TCF12: variants seen among roughly 807,000 people sequenced by gnomAD.
The protein encoded by TCF12 is transcription factor 12.
TCF12 carries 45 observed loss-of-function variants against 86.0 expected under a neutral mutation model. The observed-to-expected ratio is 0.52, with a 90% CI of 0.41 to 0.67. TCF12 has a LOEUF of 0.67. TCF12 is among the 30% of genes least tolerant of loss of function. The pLI is 0.00. For synonymous variants in TCF12, 330 were observed against 299.6 expected (o/e 1.10, Z -1.05); for missense variants, 881 against 859.9 (o/e 1.02, Z -0.31).
At chr15:57,141,804 C>G (rs2052986810) in intron 5 of TCF12, among the ~76,000 whole-genome samples, 1 of 152,178 alleles carries the variant, frequency 6.6e-6, no homozygotes, top group South Asian at 2.1e-4. Context: ...GGCACATCTC[C>G]CTTAATTTGC....
chr15:56,960,123 AT>A (rs1232283992), intron 3 of TCF12, among the ~76,000 whole-genome samples: 1 of 152,202 alleles, frequency 6.6e-6, no homozygotes, highest in East Asian at 1.9e-4. Context: ...TAAGTAATTT[AT>A]TTGTATTCTG....
chr15:57,077,379 A>ATTTTT (rs1212052276), intron 4 of TCF12, among the ~76,000 whole-genome samples: 1 of 48,658 alleles, frequency 2.1e-5, no homozygotes, highest in African/African-American at 8.6e-5. Flanking sequence ...GTGTGTATAT[A>ATTTTT]TATTTTTTTT....
At chr15:57,201,385 G>A (rs1209019755) in intron 8 of TCF12, among the ~76,000 whole-genome samples, 1 of 152,170 alleles carries the variant, frequency 6.6e-6, no homozygotes, top group Non-Finnish European at 1.5e-5. Flanking sequence ...TGACATTTAA[G>A]TTGTGTCTGG....
intron 3 of TCF12, among the ~76,000 whole-genome samples, chr15:56,930,910 T>A (rs1051906545): frequency 9.9e-5 from 15 of 152,194 alleles, no homozygotes; most frequent in African/African-American, 3.4e-4. Context: ...TCCTGTGTGG[T>A]TGCCAGTAGC....
At chr15:57,196,781 A>C (rs2151737409) in intron 7 of TCF12, among the ~76,000 whole-genome samples, 1 of 152,342 alleles carries the variant, frequency 6.6e-6, no homozygotes, top group South Asian at 2.1e-4. Context: ...TAAACATTCA[A>C]GGACAAATTG....
intron 18 of TCF12, among the ~76,000 whole-genome samples, chr15:57,269,011 G>A (rs937600992): frequency 6.6e-6 from 1 of 152,132 alleles, no homozygotes; most frequent in East Asian, 1.9e-4. Flanking sequence ...TTGATTTGGG[G>A]TGGAGAGTTC....
chr15:56,971,204 A>G (rs1455962828), intron 3 of TCF12, among the ~76,000 whole-genome samples: 4 of 152,188 alleles, frequency 2.6e-5, no homozygotes, highest in Admixed American at 2.6e-4. Flanking sequence ...TGGGTAGATC[A>G]CTTGAAGTCA....
chr15:57,200,611 C>T (rs1252259250), intron 8 of TCF12, among the ~76,000 whole-genome samples: 3 of 152,040 alleles, frequency 2.0e-5, no homozygotes, highest in Admixed American at 6.5e-5. Flanking sequence ...TCTAAAGAAA[C>T]AGTGAAAGGA....
intron 13 of TCF12, chr15:57,247,409 C>A: frequency 1.5e-6 from 1 of 683,252 alleles, no homozygotes; most frequent in African/African-American, 1.7e-5. Flanking sequence ...CCTCTGTGAC[C>A]TCTGTCATCC....
intron 3 of TCF12, among the ~76,000 whole-genome samples, chr15:57,017,927 C>A (rs2065248226): frequency 6.6e-6 from 1 of 152,034 alleles, no homozygotes; most frequent in Admixed American, 6.5e-5. Flanking sequence ...AGGCAAGGGA[C>A]ACCAGATTAT....
intron 3 of TCF12, among the ~76,000 whole-genome samples, chr15:57,010,219 A>C (rs2064740189): frequency 6.6e-6 from 1 of 152,022 alleles, no homozygotes; most frequent in African/African-American, 2.4e-5. Flanking sequence ...AAAATCTAAA[A>C]TTTGGACTCA....
At chr15:57,237,920 A>G (rs17239452) in intron 12 of TCF12, among the ~76,000 whole-genome samples, 14,517 of 152,218 alleles carry the variant, frequency 0.095, 971 homozygotes, top group Middle Eastern at 0.19. Flanking sequence ...CAAATGTTGT[A>G]TTGCTCCTCC....
intron 3 of TCF12, among the ~76,000 whole-genome samples, chr15:57,060,626 G>A (rs1449039888): frequency 3.3e-5 from 5 of 152,144 alleles, no homozygotes; most frequent in African/African-American, 1.2e-4. Flanking sequence ...GAATTCGCAT[G>A]CATATACTAG....
intron 14 of TCF12, among the ~76,000 whole-genome samples, chr15:57,251,803 T>G (rs940839710): frequency 4.0e-5 from 6 of 151,180 alleles, no homozygotes; most frequent in Admixed American, 2.6e-4. Context: ...TATTTTACAC[T>G]TTCTCATAAT....
intron 8 of TCF12, among the ~76,000 whole-genome samples, chr15:57,198,433 T>A (rs1418103024): frequency 6.6e-6 from 1 of 152,178 alleles, no homozygotes; most frequent in Non-Finnish European, 1.5e-5. Context: ...CTCAAAAATG[T>A]ATCCTTTGAG....
At chr15:57,249,378 G>T (rs1328809242) in intron 13 of TCF12, among the ~76,000 whole-genome samples, 1 of 150,326 alleles carries the variant, frequency 6.7e-6, no homozygotes, top group Non-Finnish European at 1.5e-5. Context: ...GCCTTTAATG[G>T]TCCTTAAAAT....
Position 57,282,568 on chromosome 15 carries a change from A to G in TCF12, c.2102A>G (p.Asn701Ser). Residue 701 changes from asparagine (N) to serine (S), a missense_variant, in exon 20 of 21, where the codon AAC (asparagine) becomes AGC (serine). Asn to Ser is a conservative substitution (Grantham distance 46). Transcript: ENST00000333725. ...CATCCTGGGCTTAGTGAAACTACCAACCCTATGGGTCATATGTAAACATCA... is the reference window on the plus strand; with the variant it reads ...CATCCTGGGCTTAGTGAAACTACCAGCCCTATGGGTCATATGTAAACATCA... The part of the protein sequence containing the change: ...GTHPGLSETT[N>S]PMGHM The G allele has an allele frequency of 6.2e-7, 1 of 1,614,046 alleles. No individual in the cohort carries two copies.
chr15:57,134,635 A>G (rs909938783), intron 5 of TCF12: 1 of 152,260 alleles, frequency 6.6e-6, no homozygotes, highest in African/African-American at 2.4e-5. Flanking sequence ...AACTGTAGAA[A>G]GAAAACAAAC....
chr15:57,029,103 A>G (rs1361451882), intron 3 of TCF12, among the ~76,000 whole-genome samples: 4 of 152,144 alleles, frequency 2.6e-5, no homozygotes, highest in Admixed American at 2.0e-4. Flanking sequence ...CTGTCTTTAC[A>G]TGTATCATAA....
Sources: gnomAD v4.1 joint callset for allele counts (sites outside exome capture counted in the v4.1 genomes callset) on GRCh38, gnomAD v4.1.1 for gene constraint, MANE v1.5 for transcripts, NCBI Gene and HGNC (gene_info 2026-07-23, HGNC 2026-07-21) for gene names.